Variants in EIF2B1 observed in about 807,000 individuals in gnomAD.
EIF2B1 encodes eukaryotic translation initiation factor 2B subunit alpha.
EIF2B1 carries 30 observed loss-of-function variants against 36.8 expected under a neutral mutation model. That is an observed-to-expected ratio of 0.81 (90% confidence interval 0.61 to 1.10). The LOEUF (loss-of-function observed/expected upper bound fraction) is 1.10. Ranked by LOEUF, EIF2B1 falls within the 50% of genes least tolerant of loss-of-function variation. EIF2B1 has a pLI of 0.00. For synonymous variants in EIF2B1, 139 were observed against 142.2 expected (o/e 0.98, Z 0.16); for missense variants, 271 against 374.8 (o/e 0.72, Z 2.29).
At chr12:123,627,818 C>T (rs1018890783) in intron 4 of EIF2B1, among the ~76,000 whole-genome samples, 1 of 152,182 alleles carries the variant, frequency 6.6e-6, no homozygotes, top group African/African-American at 2.4e-5. Context: ...CATGCCAGTG[C>T]ACTCTAGTCT....
At chr12:123,623,497 T>C (rs2135760557) in intron 7 of EIF2B1, among the ~76,000 whole-genome samples, 1 of 152,252 alleles carries the variant, frequency 6.6e-6, no homozygotes, top group East Asian at 1.9e-4. Context: ...TGGAAAATCA[T>C]TAGTTTCTGA....
chr12:123,620,598 AT>A lies in EIF2B1; in HGVS notation c.*1157del, dbSNP rs1257287113. Reference sequence around the variant, plus strand: ...GTACATATTATATATATATATATATATATATATATATATATATATATATATA... The same window carrying A: ...GTACATATTATATATATATATATATAATATATATATATATATATATATATA... On this transcript the variant is annotated 3_prime_UTR_variant, in exon 9 of 9. Coordinates refer to ENST00000424014, the MANE Select transcript of EIF2B1 (RefSeq NM_001414.4). 1.4e-5 allele frequency: 1 copy of A among 70,500 alleles called. No homozygotes were observed. The highest frequency in any genetic ancestry group is 3.2e-4 in the East Asian group (1 of 3,120). 4.4% of individuals were successfully genotyped at this position (70,500 alleles called of 1,614,324 possible).
chr12:123,632,041 G>A (rs748247942), intron 2 of EIF2B1, among the ~76,000 whole-genome samples: 15 of 151,880 alleles, frequency 9.9e-5, no homozygotes, highest in South Asian at 4.2e-4. Flanking sequence ...AGGCCAAAGC[G>A]GGCAGATTGC....
At chr12:123,622,444 A>G (rs1955110503) in intron 8 of EIF2B1, among the ~76,000 whole-genome samples, 192 bp downstream of exon 8, 1 of 152,214 alleles carries the variant, frequency 6.6e-6, no homozygotes, top group Non-Finnish European at 1.5e-5. Flanking sequence ...CTATGGTGCT[A>G]CTTAAAGAGA....
In EIF2B1 at chr12:123,630,639, A is replaced by G; in HGVS notation, c.116-106T>C. On this transcript the variant is annotated intron_variant, in intron 2 of 8. Coordinates refer to ENST00000424014, the MANE Select transcript of EIF2B1 (RefSeq NM_001414.4). The surrounding 1 kb of genome is among the most constrained non-coding windows in gnomAD (Gnocchi z 4.6). ...AGTGAATATTTACTAGGTACATACT[A>G]TATACCAGGCACTATTCTAGATGCT... The G allele has an allele frequency of 1.4e-6, 2 of 1,468,442 alleles. No individual in the cohort carries two copies. Among genetic ancestry groups the G allele is most frequent in the East Asian group, 2.3e-5 (1 of 44,064 alleles). The allele number at this position is 1,468,442 out of a possible 1,614,324, so 91.0% of individuals were successfully genotyped here. A position where few individuals can be genotyped will look rare whatever the true frequency, so the allele number is the denominator to read the frequency against.
intron 8 of EIF2B1, among the ~76,000 whole-genome samples, chr12:123,622,341 C>T (rs1459963617): frequency 2.0e-5 from 3 of 152,178 alleles, no homozygotes; most frequent in Non-Finnish European, 4.4e-5. Context: ...TGCCTCAACT[C>T]GCACAGTTTG....
At chr12:123,622,028 A>T (rs1955105031) in intron 8 of EIF2B1, 108 bp from the exon 9 acceptor site, 1 of 1,466,144 alleles carries the variant, frequency 6.8e-7, no homozygotes, top group Non-Finnish European at 9.3e-7. Context: ...GCTCTCTGAA[A>T]ATGGGAGAAA....
intron 7 of EIF2B1, among the ~76,000 whole-genome samples, chr12:123,624,488 G>C (rs1955133471): frequency 6.6e-6 from 1 of 151,988 alleles, no homozygotes; most frequent in African/African-American, 2.4e-5. Context: ...TTGAACTCAA[G>C]GCCTCAAGTG....
At position 123,621,399 on chromosome 12, in the gene EIF2B1, C is replaced by CT. The variant is rs1467419300; in HGVS notation, c.*356dup. The CT allele has an allele frequency of 8.6e-5, 30 of 349,674 alleles. No individual in the cohort carries two copies. The highest frequency in any genetic ancestry group is 1.3e-4 in the Non-Finnish European group (24 of 179,332). The allele number at this position is 349,674 out of a possible 1,614,324, so 21.7% of individuals were successfully genotyped here. A position where few individuals can be genotyped will look rare whatever the true frequency, so the allele number is the denominator to read the frequency against. The stretch of plus-strand genomic sequence containing the variant: ...GGGTGTGGCTGCTTTTCGCCTGCAT[C>CT]TCGCGTGCTTTAGGCAGATCAGTCT... On this transcript the variant is annotated 3_prime_UTR_variant, in exon 9 of 9. Transcript: ENST00000424014.
intron 7 of EIF2B1, among the ~76,000 whole-genome samples, chr12:123,623,769 C>T (rs1046474599): frequency 3.3e-5 from 5 of 152,114 alleles, no homozygotes; most frequent in African/African-American, 9.7e-5. Context: ...CTACTACGCC[C>T]GGCCTTATGT....
At chr12:123,626,937 G>T in intron 5 of EIF2B1, 107 bp downstream of exon 5, 2 of 1,008,496 alleles carry the variant, frequency 2.0e-6, no homozygotes, top group Non-Finnish European at 3.1e-6. Flanking sequence ...AGTGCTGACT[G>T]CTGGCAAGCT....
At position 123,633,584 on chromosome 12, in the gene EIF2B1, G is replaced by A. The variant is rs1462032259; in HGVS notation, c.-27C>T. 2 of 1,608,118 alleles carry A rather than the reference G, an allele frequency of 1.2e-6. No individual in the cohort carries two copies. The highest frequency in any genetic ancestry group is 8.5e-7 in the Non-Finnish European group (1 of 1,179,946). On this transcript the variant is annotated 5_prime_UTR_variant, in exon 1 of 9. Coordinates refer to ENST00000424014, the MANE Select transcript of EIF2B1 (RefSeq NM_001414.4). ...GCGTCCTCCTGCTGCGGAGCCCCAG[G>A]GGACCCGAGCCGCCCGCGCTGTCTC...
chr12:123,626,518 TAGAG>T, intron 5 of EIF2B1, 25 bp from the exon 6 acceptor site: 1 of 1,613,556 alleles, frequency 6.2e-7, no homozygotes, highest in Non-Finnish European at 8.5e-7. Context: ...TTGAGAACGT[TAGAG>T]AAAGTACAAG....
At position 123,624,799 on chromosome 12, in the gene EIF2B1, T is replaced by G. The variant is rs769409433; in HGVS notation, c.615A>C (p.Gly205=). Residue 205 remains glycine (G), a synonymous_variant, in exon 7 of 9, where the codon GGA becomes GGC. Transcript: ENST00000424014. ...VGAEGVVENG[G]IINKIGTNQM... is the part of the protein sequence containing the mutation. ...CTGATGCTCTTACCTTGTTAATAAT[T>G]CCTCCGTTTTCAACAACTCCTTCAG... is the stretch of plus-strand genomic sequence containing the variant. 7.4e-6 allele frequency: 12 copies of G among 1,613,828 alleles called. No homozygotes were observed. The highest frequency in any genetic ancestry group is 9.3e-6 in the Non-Finnish European group (11 of 1,179,870).
chr12:123,628,275 A>C (rs1242520919), intron 4 of EIF2B1, among the ~76,000 whole-genome samples: 2 of 148,248 alleles, frequency 1.3e-5, no homozygotes, highest in Non-Finnish European at 3.0e-5. Context: ...TGCTCAGGCT[A>C]GTGTTGAATT....
chr12:123,633,578 C>G lies in EIF2B1; in HGVS notation c.-21G>C, dbSNP rs1181569459. 1 of 1,608,828 alleles carries G rather than the reference C, an allele frequency of 6.2e-7. No homozygotes were observed. The highest frequency in any genetic ancestry group is 2.2e-5 in the East Asian group (1 of 44,872). On this transcript the variant is annotated 5_prime_UTR_variant, in exon 1 of 9. Coordinates refer to ENST00000424014, the MANE Select transcript of EIF2B1 (RefSeq NM_001414.4). ...TCCATGGCGTCCTCCTGCTGCGGAG[C>G]CCCAGGGGACCCGAGCCGCCCGCGC... is the stretch of plus-strand genomic sequence containing the variant.
chr12:123,625,002 C>T (rs1007649690), intron 6 of EIF2B1, 140 bp from the exon 7 acceptor site: 6 of 720,278 alleles, frequency 8.3e-6, no homozygotes, highest in Middle Eastern at 3.6e-4. Flanking sequence ...GCACTTAACA[C>T]GCGATAGACC....
At chr12:123,624,304 G>A (rs1955131876) in intron 7 of EIF2B1, among the ~76,000 whole-genome samples, 1 of 140,650 alleles carries the variant, frequency 7.1e-6, no homozygotes, top group African/African-American at 2.8e-5. Flanking sequence ...CATCGCCCAG[G>A]CTGGAATGCA....
chr12:123,623,688 G>A (rs1042092465), intron 7 of EIF2B1, among the ~76,000 whole-genome samples: 1 of 151,996 alleles, frequency 6.6e-6, no homozygotes, highest in East Asian at 1.9e-4. Context: ...TGGCCAGGCT[G>A]GTCTCGAACT....
Sources: gnomAD v4.1 joint callset for allele counts (sites outside exome capture counted in the v4.1 genomes callset) on GRCh38, gnomAD v4.1.1 for gene constraint, Gnocchi (gnomAD v3.1) non-coding constraint, MANE v1.5 for transcripts, NCBI Gene and HGNC (gene_info 2026-07-23, HGNC 2026-07-21) for gene names.